The following NSMCE2 variants were observed in gnomAD, a reference collection of about 807,000 sequenced individuals.
NSMCE2 encodes NSE2 SUMO ligase component of SMC5/6 complex.
NSMCE2 carries 24 observed loss-of-function variants against 23.8 expected under a neutral mutation model. The ratio of observed to expected loss-of-function variants is 1.01; its 90% CI spans 0.73 to 1.42. NSMCE2 has a LOEUF of 1.42. NSMCE2 is among the 40% of genes most tolerant of loss of function. NSMCE2 has a pLI of 0.00. For missense variants in NSMCE2, 284 were observed against 296.5 expected, an observed-to-expected ratio of 0.96 and a Z score of 0.31; for synonymous variants, 92 against 94.1, an observed-to-expected ratio of 0.98 and a Z score of 0.13.
intron 5 of NSMCE2, among the ~76,000 whole-genome samples, chr8:125,213,297 C>T (rs1384445756): frequency 6.6e-6 from 1 of 152,144 alleles, no homozygotes; most frequent in East Asian, 1.9e-4. Context: ...CAGCAGCGTA[C>T]AGGAAACTAG....
intron 5 of NSMCE2, among the ~76,000 whole-genome samples, chr8:125,312,770 T>C (rs1829019484): frequency 6.6e-6 from 1 of 152,142 alleles, no homozygotes; most frequent in African/African-American, 2.4e-5. Flanking sequence ...CTTGAGCCTT[T>C]TGTCCAGTGG....
chr8:125,104,526 C>T (rs1464564354), intron 3 of NSMCE2, among the ~76,000 whole-genome samples: 1 of 152,156 alleles, frequency 6.6e-6, no homozygotes, highest in Non-Finnish European at 1.5e-5. Flanking sequence ...TGAGTGTCTC[C>T]CGGTCCTAGG....
chr8:125,288,424 C>T (rs1827980558), intron 5 of NSMCE2, among the ~76,000 whole-genome samples: 1 of 152,204 alleles, frequency 6.6e-6, no homozygotes, highest in African/African-American at 2.4e-5. Flanking sequence ...CCCCTTCCTT[C>T]ATTCCCAGCA....
At chr8:125,213,728 C>CCTTCCTTCCTTCCTTATTTG (rs1370455100) in intron 5 of NSMCE2, among the ~76,000 whole-genome samples, 1 of 148,784 alleles carries the variant, frequency 6.7e-6, no homozygotes, top group African/African-American at 2.5e-5. Context: ...TTCCTTATTT[C>CCTTCCTTCCTTCCTTATTTG]CTTCCTTCCT....
At chr8:125,266,563 A>G (rs1826926561) in intron 5 of NSMCE2, among the ~76,000 whole-genome samples, 1 of 152,232 alleles carries the variant, frequency 6.6e-6, no homozygotes, top group Non-Finnish European at 1.5e-5. Flanking sequence ...TGTTTTATAC[A>G]ATGTATTATC....
At chr8:125,171,663 G>T (rs72720555) in intron 4 of NSMCE2, among the ~76,000 whole-genome samples, 1 of 152,034 alleles carries the variant, frequency 6.6e-6, no homozygotes, top group Non-Finnish European at 1.5e-5. Context: ...CTTCTGACTT[G>T]TTCATCTCTT....
At chr8:125,222,860 C>A (rs531463756) in intron 5 of NSMCE2, among the ~76,000 whole-genome samples, 1 of 151,928 alleles carries the variant, frequency 6.6e-6, no homozygotes, top group East Asian at 1.9e-4. Context: ...CTCCGGAGTT[C>A]AAGACCAGCC....
chr8:125,247,650 A>G (rs1586667425), intron 5 of NSMCE2, among the ~76,000 whole-genome samples: 1 of 151,794 alleles, frequency 6.6e-6, no homozygotes, highest in Admixed American at 6.6e-5. Context: ...GCTTGAACCC[A>G]GGAGGCAGAG....
intron 5 of NSMCE2, among the ~76,000 whole-genome samples, chr8:125,277,872 T>C (rs568557456): frequency 1.3e-5 from 2 of 152,346 alleles, no homozygotes; most frequent in African/African-American, 4.8e-5. Context: ...TAGAAAACTG[T>C]AAATTAAATG....
chr8:125,341,586 T>C (rs1830247105), intron 5 of NSMCE2, among the ~76,000 whole-genome samples: 1 of 152,154 alleles, frequency 6.6e-6, no homozygotes, highest in Non-Finnish European at 1.5e-5. Flanking sequence ...AGTTTTTTTT[T>C]TCCTCTAATG....
chr8:125,295,244 C>T (rs1828275949), intron 5 of NSMCE2, among the ~76,000 whole-genome samples: 1 of 152,086 alleles, frequency 6.6e-6, no homozygotes, highest in Admixed American at 6.6e-5. Flanking sequence ...CCTTCTGGGG[C>T]CCCTAATCTG....
chr8:125,310,916 A>T (rs1828951796), intron 5 of NSMCE2, among the ~76,000 whole-genome samples: 1 of 152,368 alleles, frequency 6.6e-6, no homozygotes, highest in East Asian at 1.9e-4. Flanking sequence ...TAAAACATTA[A>T]TAAAGAATAT....
At chr8:125,157,176 A>G (rs992920193) in intron 4 of NSMCE2, among the ~76,000 whole-genome samples, 20 of 152,196 alleles carry the variant, frequency 1.3e-4, no homozygotes, top group Non-Finnish European at 2.8e-4. Context: ...AGGACAGGAG[A>G]TTCCTGAGCA....
At chr8:125,222,142 G>A (rs1026440493) in intron 5 of NSMCE2, among the ~76,000 whole-genome samples, 4 of 151,894 alleles carry the variant, frequency 2.6e-5, no homozygotes, top group Non-Finnish European at 4.4e-5. Context: ...ACTTGAAAAA[G>A]CAGGCATGCA....
chr8:125,299,526 A>G (rs1393399138), intron 5 of NSMCE2, among the ~76,000 whole-genome samples: 2 of 152,186 alleles, frequency 1.3e-5, no homozygotes, highest in African/African-American at 4.8e-5. Context: ...TGATAGGAAC[A>G]GCATGGGGGA....
At chr8:125,182,338 A>T (rs1276543263) in intron 5 of NSMCE2, 82 bp downstream of exon 5, 1 of 1,080,226 alleles carries the variant, frequency 9.3e-7, no homozygotes, top group East Asian at 2.5e-5. Context: ...AACTGATTTT[A>T]TAAAGTTTGC....
At chr8:125,151,305 T>C in intron 4 of NSMCE2, 28 bp downstream of exon 4, 1 of 1,190,550 alleles carries the variant, frequency 8.4e-7, no homozygotes, top group Non-Finnish European at 1.2e-6. Context: ...CCTGGTTATA[T>C]ATTTGGTTAC....
At chr8:125,142,530 A>G (rs1049976900) in intron 3 of NSMCE2, among the ~76,000 whole-genome samples, 6 of 151,988 alleles carry the variant, frequency 3.9e-5, no homozygotes, top group Non-Finnish European at 7.4e-5. Context: ...AACCCCTGAC[A>G]CTTACTAGCT....
intron 5 of NSMCE2, among the ~76,000 whole-genome samples, chr8:125,343,513 C>A (rs1830324240): frequency 6.6e-6 from 1 of 152,136 alleles, no homozygotes; most frequent in African/African-American, 2.4e-5. Flanking sequence ...TTGGCACGCA[C>A]CTATAGTCCC....
Sources: gnomAD v4.1 joint callset for allele counts (sites outside exome capture counted in the v4.1 genomes callset) on GRCh38, gnomAD v4.1.1 for gene constraint, MANE v1.5 for transcripts, NCBI Gene and HGNC (gene_info 2026-07-23, HGNC 2026-07-21) for gene names.